RASEF: variants seen among roughly 807,000 people sequenced by gnomAD.
RASEF encodes RAS and EF-hand domain containing.
In RASEF, 68 loss-of-function variants were observed where a neutral mutation model predicts 90.1. That is an observed-to-expected ratio of 0.75 (90% CI 0.62 to 0.92). RASEF has a LOEUF of 0.92. RASEF is among the 40% of genes least tolerant of loss of function. RASEF has a pLI of 0.00. For missense variants in RASEF, 949 were observed against 937.2 expected (o/e 1.01, Z -0.16); for synonymous variants, 331 against 345.2 (o/e 0.96, Z 0.46).
chr9:83,199,155 C>T, the RASEF span, among the ~76,000 whole-genome samples: 1 of 145,104 alleles, frequency 6.9e-6, no homozygotes, highest in East Asian at 2.1e-4. Context: ...TTTGCACATT[C>T]GGAAGTTGGA....
the RASEF span, among the ~76,000 whole-genome samples, chr9:83,164,614 A>G: frequency 7.6e-5 from 11 of 144,664 alleles, no homozygotes; most frequent in East Asian, 1.2e-3. Context: ...ACCACCAAGG[A>G]AAAAAAAAAA....
the RASEF span, among the ~76,000 whole-genome samples, chr9:83,181,775 T>C: frequency 6.6e-6 from 1 of 152,234 alleles, no homozygotes; most frequent in Non-Finnish European, 1.5e-5. Flanking sequence ...GATTTGTATG[T>C]ATTTATAAAC....
At chr9:83,158,426 G>C in the RASEF span, among the ~76,000 whole-genome samples, 131,621 of 151,396 alleles carry the variant, frequency 0.87, 57,419 homozygotes, top group African/African-American at 0.94. Context: ...TTTTATGAGG[G>C]AGAAATGTAC....
chr9:83,100,597 C>T, the RASEF span, among the ~76,000 whole-genome samples: 1 of 152,196 alleles, frequency 6.6e-6, no homozygotes, highest in African/African-American at 2.4e-5. Flanking sequence ...GAAGTATACC[C>T]CCTCTCCTTC....
chr9:83,019,226 C>G (rs1001879893), intron 3 of RASEF, among the ~76,000 whole-genome samples: 1 of 151,942 alleles, frequency 6.6e-6, no homozygotes, highest in African/African-American at 2.4e-5. Flanking sequence ...TGATAAAAGA[C>G]TTGCATTCAG....
chr9:83,188,136 G>C, the RASEF span, among the ~76,000 whole-genome samples: 1 of 152,178 alleles, frequency 6.6e-6, no homozygotes, highest in Admixed American at 6.5e-5. Flanking sequence ...TTTTAGGTCT[G>C]TCTCCCTGAT....
intron 1 of RASEF, among the ~76,000 whole-genome samples, chr9:83,061,488 A>G (rs1830198676): frequency 6.6e-6 from 1 of 152,216 alleles, no homozygotes; most frequent in East Asian, 1.9e-4. Flanking sequence ...CCAAACATAA[A>G]GCAGAAAAAC....
At chr9:83,197,395 C>T in the RASEF span, among the ~76,000 whole-genome samples, 2 of 152,176 alleles carry the variant, frequency 1.3e-5, no homozygotes, top group Non-Finnish European at 1.5e-5. Context: ...GTACCAAGCT[C>T]ACTGAGGCCC....
At chr9:82,994,714 G>A (rs1404917296) in intron 14 of RASEF, among the ~76,000 whole-genome samples, 1 of 152,166 alleles carries the variant, frequency 6.6e-6, no homozygotes, top group African/African-American at 2.4e-5. Context: ...TCTCCATTCA[G>A]CTTTTACCCA....
chr9:83,080,765 C>T, the RASEF span, among the ~76,000 whole-genome samples: 1 of 152,034 alleles, frequency 6.6e-6, no homozygotes, highest in South Asian at 2.1e-4. Flanking sequence ...CATTAGGTTC[C>T]AGTGAGTCAT....
the RASEF span, among the ~76,000 whole-genome samples, chr9:83,120,712 C>T: frequency 6.6e-6 from 1 of 152,118 alleles, no homozygotes; most frequent in Non-Finnish European, 1.5e-5. Context: ...TCAGATGACC[C>T]TTAAAATAAA....
At chr9:82,997,474 G>C (rs536251751) in intron 13 of RASEF, among the ~76,000 whole-genome samples, 1 of 152,320 alleles carries the variant, frequency 6.6e-6, no homozygotes, top group East Asian at 1.9e-4. Context: ...ACACAGAGGA[G>C]GCTGGAAGGA....
At chr9:83,033,177 C>G (rs114825340) in intron 1 of RASEF, among the ~76,000 whole-genome samples, 1 of 152,206 alleles carries the variant, frequency 6.6e-6, no homozygotes, top group African/African-American at 2.4e-5. Flanking sequence ...CTAAGGAATG[C>G]CACAAGAACA....
At chr9:83,138,774 A>G in the RASEF span, among the ~76,000 whole-genome samples, 21 of 152,208 alleles carry the variant, frequency 1.4e-4, no homozygotes, top group Non-Finnish European at 2.8e-4. Flanking sequence ...TTAAGATGTC[A>G]CCTGCTATAA....
chr9:83,000,791 A>G, intron 10 of RASEF, 105 bp downstream of exon 10: 3 of 1,059,364 alleles, frequency 2.8e-6, no homozygotes, highest in Non-Finnish European at 4.1e-6. Flanking sequence ...TATGCTTTAC[A>G]TCTATGACCT....
the RASEF span, among the ~76,000 whole-genome samples, chr9:83,098,547 A>G: frequency 6.6e-6 from 1 of 152,198 alleles, no homozygotes; most frequent in Admixed American, 6.5e-5. Flanking sequence ...TAAAATTATT[A>G]AGTGCCTAAT....
the RASEF span, among the ~76,000 whole-genome samples, chr9:83,217,668 G>C: frequency 4.6e-5 from 7 of 152,150 alleles, no homozygotes; most frequent in Non-Finnish European, 8.8e-5. Flanking sequence ...GGCCTCCCCA[G>C]CCACGTGGAA....
chr9:83,045,113 T>G (rs1829904752), intron 1 of RASEF, among the ~76,000 whole-genome samples: 1 of 152,202 alleles, frequency 6.6e-6, no homozygotes, highest in South Asian at 2.1e-4. Context: ...CTAAATAATA[T>G]GTAAAGAGAT....
the RASEF span, among the ~76,000 whole-genome samples, chr9:83,173,246 T>C: frequency 2.6e-3 from 401 of 152,102 alleles, 3 homozygotes; most frequent in African/African-American, 9.0e-3. Context: ...TTGGATCTGA[T>C]TGGTGTCTTG....
Sources: gnomAD v4.1 joint callset for allele counts (sites outside exome capture counted in the v4.1 genomes callset) on GRCh38, gnomAD v4.1.1 for gene constraint, MANE v1.5 for transcripts, NCBI Gene and HGNC (gene_info 2026-07-23, HGNC 2026-07-21) for gene names.